FGF10: variants seen among roughly 807,000 people sequenced by gnomAD.
FGF10 encodes FGF-10.
Under a neutral mutation model 19.8 loss-of-function variants are expected in FGF10, and 2 were observed. The ratio of observed to expected loss-of-function variants is 0.10; its 90% CI spans 0.04 to 0.32. FGF10 has a LOEUF of 0.32. Ranked by LOEUF, FGF10 falls within the 10% of genes least tolerant of loss-of-function variation. The pLI, the probability that FGF10 is intolerant of heterozygous loss-of-function variation, is 1.00. For missense variants in FGF10, 191 were observed against 246.3 expected (o/e 0.78, Z 1.50); for synonymous variants, 112 against 94.0 (o/e 1.19, Z -1.10).
Position 44,301,061 on chromosome 5 carries a change from A to ACTC in FGF10, c.*3931_*3933dup, listed in dbSNP as rs1366987763. ...GATCTTCGTTACTTCATTTCTAAGT[A>ACTC]CTCATAGAACTCAGAGTTCCTTTTT... is the stretch of plus-strand genomic sequence containing the variant. On this transcript the variant is annotated 3_prime_UTR_variant, in exon 3 of 3. Transcript: ENST00000264664. Among the ~76,000 whole-genome samples, 2 of 151,932 alleles carry ACTC rather than the reference A, an allele frequency of 1.3e-5. No homozygotes were observed. Among genetic ancestry groups the ACTC allele is most frequent in the Non-Finnish European group, 2.9e-5 (2 of 67,976 alleles).
intron 1 of FGF10, among the ~76,000 whole-genome samples, chr5:44,344,671 G>A (rs1203746606): frequency 6.7e-6 from 1 of 149,944 alleles, no homozygotes; most frequent in Non-Finnish European, 1.5e-5. Flanking sequence ...ACTCAGGATT[G>A]AGAGAGTACA....
At chr5:44,385,741 T>C (rs1232575711) in intron 1 of FGF10, among the ~76,000 whole-genome samples, 1 of 152,186 alleles carries the variant, frequency 6.6e-6, no homozygotes, top group African/African-American at 2.4e-5. Context: ...GTAGGCATGG[T>C]AAAAGTTTGT....
chr5:44,383,148 T>G (rs910256766), intron 1 of FGF10, among the ~76,000 whole-genome samples: 15 of 152,086 alleles, frequency 9.9e-5, no homozygotes, highest in African/African-American at 3.6e-4. Context: ...AGCTGTCAAC[T>G]TTTTTTCAAC....
intron 1 of FGF10, among the ~76,000 whole-genome samples, chr5:44,381,974 A>G (rs1741994725): frequency 6.6e-6 from 1 of 152,178 alleles, no homozygotes. Flanking sequence ...GAGCTCAATG[A>G]CATCATTCTT....
intron 1 of FGF10, among the ~76,000 whole-genome samples, chr5:44,334,799 G>A (rs1740809628): frequency 6.6e-6 from 1 of 152,070 alleles, no homozygotes; most frequent in Non-Finnish European, 1.5e-5. Context: ...GCCTGACATT[G>A]TTTAGTCAGC....
rs553615951 is a variant in FGF10, at chr5:44,331,993, C to A, written c.326-21463G>T. Among the ~76,000 whole-genome samples the A allele has an allele frequency of 1.6e-3, 246 of 151,790 alleles. 2 individuals are homozygous for A. Among genetic ancestry groups the A allele is most frequent in the African/African-American group, 5.9e-3 (244 of 41,440 alleles). ...AAATAACTTGAAGGGAAAAAAAAAA[C>A]CTACCAATTCCTCCCTATCTCCCCA... On this transcript the variant is annotated intron_variant, in intron 1 of 2. Transcript: ENST00000264664.
intron 1 of FGF10, among the ~76,000 whole-genome samples, chr5:44,326,985 T>C (rs1740629058): frequency 6.6e-6 from 1 of 152,048 alleles, no homozygotes; most frequent in East Asian, 1.9e-4. Context: ...CCCTATTTAA[T>C]TGTGTCTCAA....
At position 44,304,789 on chromosome 5, in the gene FGF10, T is replaced by A; in HGVS notation, c.*206A>T. The A allele has an allele frequency of 1.7e-6, 1 of 579,830 alleles. No homozygotes were observed. Among genetic ancestry groups the A allele is most frequent in the Non-Finnish European group, 3.1e-6 (1 of 324,316 alleles). 35.9% of individuals were successfully genotyped at this position (579,830 alleles called of 1,614,324 possible). A position where few individuals can be genotyped will look rare whatever the true frequency, so the allele number is the denominator to read the frequency against. On this transcript the variant is annotated 3_prime_UTR_variant, in exon 3 of 3. Coordinates refer to ENST00000264664, the MANE Select transcript of FGF10 (RefSeq NM_004465.2). ...TATCCCATTCGATCTGCCTATATCT[T>A]GATTATAAGACATGACACAGAACTA...
rs150695565 is a variant in FGF10, at chr5:44,305,012, T to C, written c.610A>G (p.Met204Val). 6.4e-5 allele frequency: 104 copies of C among 1,613,974 alleles called. 1 individual carries two copies. The East Asian group carries it at 2.3e-3, about 36-fold the overall frequency. Reference sequence around the variant, plus strand: ...GCCTTCCTCTATGAGTGTACCACCATTGGAAGAAAGTGAGCAGAGGTGTTT... The same window carrying C: ...GCCTTCCTCTATGAGTGTACCACCACTGGAAGAAAGTGAGCAGAGGTGTTT... ...RKNTSAHFLP[M>V]VVHS The change falls in exon 3 of 3, where the codon ATG becomes GTG. Residue 204 changes from methionine to valine, a missense_variant. Physicochemically the swap from Met to Val is conservative, Grantham distance 21. Coordinates refer to ENST00000264664, the MANE Select transcript of FGF10 (RefSeq NM_004465.2).
chr5:44,315,172 A>G (rs2111705728), intron 1 of FGF10, among the ~76,000 whole-genome samples: 1 of 113,608 alleles, frequency 8.8e-6, no homozygotes, highest in African/African-American at 3.8e-5. Flanking sequence ...CCAAATAAGT[A>G]ATGACAATAC....
At chr5:44,314,842 G>T (rs1324287463) in intron 1 of FGF10, among the ~76,000 whole-genome samples, 1 of 152,052 alleles carries the variant, frequency 6.6e-6, no homozygotes, top group Non-Finnish European at 1.5e-5. Flanking sequence ...CTATTGGTCT[G>T]GAGGGTAAGT....
At chr5:44,338,333 T>C (rs1283047959) in intron 1 of FGF10, among the ~76,000 whole-genome samples, 3 of 152,220 alleles carry the variant, frequency 2.0e-5, no homozygotes, top group Admixed American at 1.3e-4. Flanking sequence ...CAATATTTAG[T>C]ACTTGTTTTT....
rs201987275 is a variant in FGF10, at chr5:44,388,352, A to C, written c.325+6T>G. 3 of 1,612,350 alleles carry C rather than the reference A, an allele frequency of 1.9e-6. No homozygotes were observed. In the South Asian group the frequency reaches 3.3e-5, roughly 18 times the overall value. ...GGAAGGAGGGGAGCATGCATTTGTT[A>C]CTTACTGTACGGGCAGTTCTCCTTC... On this transcript the variant is annotated splice_donor_region_variant and intron_variant, in intron 1 of 2. Coordinates refer to ENST00000264664, the MANE Select transcript of FGF10 (RefSeq NM_004465.2).
intron 1 of FGF10, among the ~76,000 whole-genome samples, chr5:44,371,563 A>G (rs1741742524): frequency 6.6e-6 from 1 of 152,090 alleles, no homozygotes; most frequent in Admixed American, 6.6e-5. Flanking sequence ...GGCCAGGTTA[A>G]TGGAAACCCT....
At chr5:44,367,979 T>C (rs1244002229) in intron 1 of FGF10, among the ~76,000 whole-genome samples, 1 of 151,778 alleles carries the variant, frequency 6.6e-6, no homozygotes, top group Non-Finnish European at 1.5e-5. Context: ...TTGCCCAAGA[T>C]CAACATAGGG....
intron 1 of FGF10, among the ~76,000 whole-genome samples, chr5:44,380,921 A>G (rs1362679546): frequency 1.3e-5 from 2 of 152,226 alleles, no homozygotes; most frequent in African/African-American, 4.8e-5. Context: ...TTGAGGCTAC[A>G]GTAAGCTGTG....
chr5:44,364,035 G>C (rs1182413848), intron 1 of FGF10, among the ~76,000 whole-genome samples: 1 of 151,880 alleles, frequency 6.6e-6, no homozygotes, highest in Middle Eastern at 3.4e-3. Context: ...AAAAAAGAAA[G>C]AAAACACCAG....
At chr5:44,314,452 T>A (rs1197377652) in intron 1 of FGF10, among the ~76,000 whole-genome samples, 1 of 152,104 alleles carries the variant, frequency 6.6e-6, no homozygotes, top group Non-Finnish European at 1.5e-5. Context: ...AAAAATAAAG[T>A]TTGATAGTCA....
chr5:44,346,987 A>G (rs1334230741), intron 1 of FGF10, among the ~76,000 whole-genome samples: 5 of 151,838 alleles, frequency 3.3e-5, no homozygotes, highest in African/African-American at 1.2e-4. Flanking sequence ...AAAATGAATT[A>G]ATATGCTTTT....
Sources: allele counts gnomAD v4.1 joint callset (sites outside exome capture counted in the v4.1 genomes callset), GRCh38; gene constraint gnomAD v4.1.1; transcripts MANE v1.5; gene names NCBI Gene and HGNC (gene_info 2026-07-23, HGNC 2026-07-21).